Variants in MAGI1 observed in about 807,000 individuals in gnomAD.
The protein encoded by MAGI1 is membrane associated guanylate kinase, WW and PDZ domain containing 1.
MAGI1 carries 58 observed loss-of-function variants against 139.9 expected under a neutral mutation model. The observed-to-expected ratio is 0.41, with a 90% CI of 0.34 to 0.52. MAGI1 has a LOEUF of 0.52. MAGI1 is among the 20% of genes least tolerant of loss of function. The pLI, the probability that MAGI1 is intolerant of heterozygous loss-of-function variation, is 0.12. For missense variants in MAGI1, 1,874 were observed against 1,901.6 expected (o/e 0.99, Z 0.27); for synonymous variants, 812 against 737.9 (o/e 1.10, Z -1.63).
chr3:65,983,993 T>C (rs547208612), intron 1 of MAGI1, among the ~76,000 whole-genome samples: 1 of 152,286 alleles, frequency 6.6e-6, no homozygotes, highest in African/African-American at 2.4e-5. Context: ...ATTGAGTGCC[T>C]TCTTAAAAGG....
At chr3:65,605,329 C>G (rs1397966653) in intron 2 of MAGI1, among the ~76,000 whole-genome samples, 1 of 152,148 alleles carries the variant, frequency 6.6e-6, no homozygotes, top group African/African-American at 2.4e-5. Flanking sequence ...CCATGTGCAT[C>G]TTTGAAAAAT....
intron 5 of MAGI1, among the ~76,000 whole-genome samples, chr3:65,455,741 T>TAAAATA (rs1276841958): frequency 1.1e-4 from 16 of 152,164 alleles, no homozygotes; most frequent in African/African-American, 3.4e-4. Flanking sequence ...TGTCTCAAAA[T>TAAAATA]AAAATAAAAA....
chr3:65,669,735 T>G (rs1054597177), intron 1 of MAGI1, among the ~76,000 whole-genome samples: 2 of 152,200 alleles, frequency 1.3e-5, no homozygotes, highest in African/African-American at 4.8e-5. Context: ...TCTGCTCTTG[T>G]CTGCAGCTGA....
rs2079910470 is a variant in MAGI1 at position 65,552,884 on chromosome 3, A to C, written c.431-59253T>G. 2.6e-5 allele frequency among the ~76,000 whole-genome samples: 4 copies of C among 152,162 alleles called. No homozygotes were observed. The South Asian group carries it at 8.3e-4, about 32-fold the overall frequency. The stretch of plus-strand genomic sequence containing the variant: ...GAGATGAATTAATAGGTTTTGTGTA[A>C]TATCCTGATTAACTTATGTCTCCTG... On this transcript the variant is annotated intron_variant, in intron 2 of 22. Transcript: ENST00000402939.
chr3:65,642,125 G>C (rs573185410), intron 1 of MAGI1, among the ~76,000 whole-genome samples: 29 of 152,230 alleles, frequency 1.9e-4, no homozygotes, highest in African/African-American at 6.7e-4. Flanking sequence ...AAAGATGAAA[G>C]AACAAATAGA....
At chr3:65,973,988 T>G (rs1255268980) in intron 1 of MAGI1, among the ~76,000 whole-genome samples, 1 of 152,142 alleles carries the variant, frequency 6.6e-6, no homozygotes, top group African/African-American at 2.4e-5. Context: ...AAATTCAGTT[T>G]TATAGTATAC....
At chr3:65,585,385 T>A (rs76739185) in intron 2 of MAGI1, among the ~76,000 whole-genome samples, 3 of 152,136 alleles carry the variant, frequency 2.0e-5, no homozygotes, top group African/African-American at 7.2e-5. Flanking sequence ...CAAAAGAAAA[T>A]ATACAGATGG....
chr3:65,570,079 T>TATTATC (rs1553670911), intron 2 of MAGI1, among the ~76,000 whole-genome samples: 4 of 39,186 alleles, frequency 1.0e-4, no homozygotes, highest in African/African-American at 2.0e-4. Flanking sequence ...TTATCATTAT[T>TATTATC]ATTATTATTA....
rs115114933 is a variant in MAGI1 at position 65,761,062 on chromosome 3, G to A, written c.314-138974C>T. Among the ~76,000 whole-genome samples the A allele has an allele frequency of 3.6e-3, 550 of 152,288 alleles. 1 individual carries two copies. The highest frequency in any genetic ancestry group is 0.011 in the African/African-American group (462 of 41,560). On this transcript the variant is annotated intron_variant, in intron 1 of 22. Transcript: ENST00000402939. ...AGATCCCAAACACTGAAGTTACGCA[G>A]ATATCTGAGGATGAAAGAAGGGGAC... is the stretch of plus-strand genomic sequence containing the variant.
intron 1 of MAGI1, among the ~76,000 whole-genome samples, chr3:65,693,826 C>T (rs896117239): frequency 2.6e-5 from 4 of 152,052 alleles, no homozygotes; most frequent in African/African-American, 9.7e-5. Flanking sequence ...CGGATTCAAA[C>T]GACTCTCCTG....
chr3:65,773,094 T>C (rs574182924), intron 1 of MAGI1, among the ~76,000 whole-genome samples: 87 of 152,176 alleles, frequency 5.7e-4, no homozygotes, highest in African/African-American at 2.0e-3. Context: ...TTGTAAGAAA[T>C]AAATGAAATC....
chr3:65,727,273 A>G (rs1020002188), intron 1 of MAGI1, among the ~76,000 whole-genome samples: 1 of 152,216 alleles, frequency 6.6e-6, no homozygotes, highest in African/African-American at 2.4e-5. Flanking sequence ...AGAGTTAGGA[A>G]TTCACAGAAC....
intron 2 of MAGI1, among the ~76,000 whole-genome samples, chr3:65,541,776 T>A (rs1464606095): frequency 6.6e-6 from 1 of 152,148 alleles, no homozygotes; most frequent in Admixed American, 6.5e-5. Flanking sequence ...TATCTCAAAA[T>A]AATAAGAGCT....
At position 65,356,802 on chromosome 3, in the gene MAGI1, G is replaced by A; in HGVS notation, c.3965C>T (p.Ser1322Phe). Residue 1322 changes from serine to phenylalanine, a missense_variant, in exon 23 of 23, where the codon TCC (serine) becomes TTC (phenylalanine). Around this residue, in one of 5 missense-constraint regions of MAGI1, gnomAD observed 653 missense variants for 644.5 expected, o/e 1.01. Coordinates refer to ENST00000402939, the MANE Select transcript of MAGI1 (RefSeq NM_001033057.2). ...AAAANGPKRRSPEKRREGTRS... is the reference protein window; with the variant it reads ...AAAANGPKRRFPEKRREGTRS... ...GGTGCCCTCCCTCCGCTTCTCTGGG[G>A]ACCGCCTCTTGGGGCCGTTGGCGGC... 4 of 1,611,282 alleles carry A rather than the reference G, an allele frequency of 2.5e-6. No individual in the cohort carries two copies. Among genetic ancestry groups the A allele is most frequent in the Non-Finnish European group, 3.4e-6 (4 of 1,178,298 alleles).
chr3:65,696,966 T>C (rs1576779312), intron 1 of MAGI1, among the ~76,000 whole-genome samples: 1 of 152,190 alleles, frequency 6.6e-6, no homozygotes, highest in African/African-American at 2.4e-5. Context: ...ACAAAATTGA[T>C]AGACCGCTAG....
At position 65,440,029 on chromosome 3, in the gene MAGI1, A is replaced by G. The variant is rs1559555294; in HGVS notation, c.1137-17T>C. The G allele has an allele frequency of 6.2e-7, 1 of 1,613,870 alleles. No individual in the cohort carries two copies. The highest frequency in any genetic ancestry group is 2.2e-5 in the East Asian group (1 of 44,874). ...TTGATGTGGCTGGGGAAGATAGCAA[A>G]TAGTATTCAGCTTGAAACAGTTCAT... On this transcript the variant is annotated splice_polypyrimidine_tract_variant and intron_variant, in intron 8 of 22. Coordinates refer to ENST00000402939, the MANE Select transcript of MAGI1 (RefSeq NM_001033057.2).
At chr3:65,966,929 C>T (rs1336458054) in intron 1 of MAGI1, among the ~76,000 whole-genome samples, 2 of 152,098 alleles carry the variant, frequency 1.3e-5, no homozygotes, top group African/African-American at 4.8e-5. Context: ...AGACAGTAAC[C>T]GTTGTTTTAA....
intron 2 of MAGI1, chr3:65,609,836 C>T (rs770541456): frequency 1.1e-5 from 3 of 272,454 alleles, no homozygotes; most frequent in Non-Finnish European, 2.3e-5. Context: ...CTTGGCTTCC[C>T]AAAGTGTTGG....
intron 1 of MAGI1, among the ~76,000 whole-genome samples, chr3:65,990,678 C>G (rs1238942866): frequency 6.6e-6 from 1 of 152,102 alleles, no homozygotes; most frequent in Non-Finnish European, 1.5e-5. Context: ...AGAATGCTGA[C>G]TATAAAAACT....
Sources: gnomAD v4.1 joint callset for allele counts (sites outside exome capture counted in the v4.1 genomes callset) on GRCh38, gnomAD v4.1.1 for gene constraint, gnomAD v4.1.1 regional missense constraint, MANE v1.5 for transcripts, NCBI Gene and HGNC (gene_info 2026-07-23, HGNC 2026-07-21) for gene names.